Variants in BRCA1 observed in about 807,000 individuals in gnomAD.
BRCA1 encodes the protein breast cancer type 1 susceptibility protein.
In BRCA1, 140 loss-of-function variants were observed where a neutral mutation model predicts 173.7. The observed-to-expected ratio is 0.81, with a 90% CI of 0.70 to 0.93. The LOEUF (loss-of-function observed/expected upper bound fraction) is 0.93, where lower values mean the gene tolerates loss of function less well. BRCA1 is among the 40% of genes least tolerant of loss of function. BRCA1 has a pLI of 0.00. For missense variants in BRCA1, 1,983 were observed against 2,172.5 expected (o/e 0.91, Z 1.73); for synonymous variants, 662 against 756.0 (o/e 0.88, Z 2.04).
chr17:43,150,030 C>G (rs960896619), intron 1 of BRCA1, among the ~76,000 whole-genome samples: 1 of 151,850 alleles, frequency 6.6e-6, no homozygotes, highest in African/African-American at 2.4e-5. Context: ...CTCAGGTGAT[C>G]CACCCACCTC....
chr17:43,155,829 G>A (rs1367306239), intron 1 of BRCA1, among the ~76,000 whole-genome samples: 1 of 152,148 alleles, frequency 6.6e-6, no homozygotes, highest in African/African-American at 2.4e-5. Flanking sequence ...AGCCCTAAAT[G>A]TGAACTTTTG....
At position 43,045,358 on chromosome 17, in the gene BRCA1, G is replaced by C. The variant is rs750834940; in HGVS notation, c.*320C>G. On this transcript the variant is annotated 3_prime_UTR_variant, in exon 23 of 23. Coordinates refer to ENST00000357654, the MANE Select transcript of BRCA1 (RefSeq NM_007294.4). Reference sequence around the variant, plus strand: ...TCCAGCCCTAAGCCAACAACAGCCTGAATAGAAAGAATAGGGCTGATAAAT... The same window carrying C: ...TCCAGCCCTAAGCCAACAACAGCCTCAATAGAAAGAATAGGGCTGATAAAT... The C allele has an allele frequency of 8.5e-6, 5 of 588,484 alleles. No homozygotes were observed. The highest frequency in any genetic ancestry group is 6.1e-5 in the South Asian group (4 of 65,690). 36.5% of individuals were successfully genotyped at this position (588,484 alleles called of 1,614,324 possible).
chr17:43,069,951 G>A (rs2052311942), intron 15 of BRCA1, among the ~76,000 whole-genome samples: 1 of 152,044 alleles, frequency 6.6e-6, no homozygotes, highest in South Asian at 2.1e-4. Context: ...TCTTATTATT[G>A]AGACAGAGTT....
chr17:43,081,049 A>G (rs750185403), intron 12 of BRCA1, among the ~76,000 whole-genome samples: 2 of 152,216 alleles, frequency 1.3e-5, no homozygotes. Flanking sequence ...TCAGTTACAG[A>G]TCTCCAGAAA....
At chr17:43,096,233 C>T (rs755116419) in intron 8 of BRCA1, among the ~76,000 whole-genome samples, 18 of 151,532 alleles carry the variant, frequency 1.2e-4, no homozygotes, top group Non-Finnish European at 2.2e-4. Context: ...AAAAATTAGC[C>T]GGGTGTGGTG....
chr17:43,135,340 T>C (rs1375957291), intron 1 of BRCA1, among the ~76,000 whole-genome samples: 5 of 152,214 alleles, frequency 3.3e-5, no homozygotes, highest in African/African-American at 7.2e-5. Flanking sequence ...TGCAAGAACT[T>C]TCTTCCAACT....
chr17:43,169,370 C>T (rs12952012), intron 1 of BRCA1, among the ~76,000 whole-genome samples: 47,885 of 151,962 alleles, frequency 0.32, 7,856 homozygotes, highest in South Asian at 0.46. Context: ...GGTTTCACCA[C>T]GATGGTCAGG....
intron 18 of BRCA1, among the ~76,000 whole-genome samples, chr17:43,062,541 A>T (rs2051809205): frequency 6.6e-6 from 1 of 151,888 alleles, no homozygotes; most frequent in South Asian, 2.1e-4. Flanking sequence ...CAAAGAAAGG[A>T]CTGTTTCTTT....
At chr17:43,053,467 C>T (rs1251489983) in intron 19 of BRCA1, among the ~76,000 whole-genome samples, 2 of 151,408 alleles carry the variant, frequency 1.3e-5, no homozygotes, top group South Asian at 2.1e-4. Context: ...TGGAGACCAT[C>T]CCGTCTAACA....
intron 11 of BRCA1, among the ~76,000 whole-genome samples, chr17:43,088,913 T>C (rs987244534): frequency 2.0e-5 from 3 of 152,142 alleles, no homozygotes; most frequent in Admixed American, 6.5e-5. Context: ...ACCTAATTAT[T>C]AGAAGTTGTC....
chr17:43,129,555 ACT>A (rs569305401), upstream of BRCA1, among the ~76,000 whole-genome samples: 109 of 151,990 alleles, frequency 7.2e-4, no homozygotes, highest in African/African-American at 2.5e-3. Flanking sequence ...TGCACTGCGA[ACT>A]CTGTCTCCCG....
Position 43,071,095 on chromosome 17 carries a change from C to T in BRCA1, c.4819G>A (p.Val1607Ile). ...TSALKVPQLK[V>I]AESAQSPAAA... Reference sequence around the variant, plus strand: ...GCTGGACTCTGGGCAGATTCTGCAACTTTCAATTGGGGAACTTTCAATGCA... The same window carrying T: ...GCTGGACTCTGGGCAGATTCTGCAATTTTCAATTGGGGAACTTTCAATGCA... The change falls in exon 15 of 23, where the codon GTT becomes ATT. Residue 1607 changes from valine to isoleucine, a missense_variant. Physicochemically the swap from Val to Ile is conservative, Grantham distance 29. Coordinates refer to ENST00000357654, the MANE Select transcript of BRCA1 (RefSeq NM_007294.4). The T allele has an allele frequency of 1.2e-6, 2 of 1,614,110 alleles. No homozygotes were observed. The highest frequency in any genetic ancestry group is 1.7e-6 in the Non-Finnish European group (2 of 1,180,028).
intron 1 of BRCA1, chr17:43,132,837 C>T (rs1042238512): frequency 6.6e-6 from 1 of 151,914 alleles, no homozygotes; most frequent in African/African-American, 2.4e-5. Context: ...GATCTTGGCT[C>T]ACTGCAAGCT....
chr17:43,121,683 CAAAAAAAAAAAAAAA>C (rs71160013), intron 2 of BRCA1, among the ~76,000 whole-genome samples: 1 of 32,898 alleles, frequency 3.0e-5, no homozygotes, highest in African/African-American at 1.4e-4. Flanking sequence ...AAGTCTGTCT[CAAAAAAAAAAAAAAA>C]AAAAAAAAAA....
chr17:43,073,301 G>C (rs1012130008), intron 14 of BRCA1, among the ~76,000 whole-genome samples: 2 of 151,996 alleles, frequency 1.3e-5, no homozygotes, highest in Non-Finnish European at 2.9e-5. Context: ...TTCATCCAAG[G>C]TAATGACACC....
chr17:43,091,869 T>G lies in BRCA1; in HGVS notation c.3662A>C (p.Glu1221Ala), dbSNP rs273900713. 5.0e-6 allele frequency: 8 copies of G among 1,614,076 alleles called. No individual in the cohort carries two copies. In the East Asian group the frequency reaches 1.6e-4, roughly 31 times the overall value. The change falls in exon 10 of 23, where the codon GAA (glutamate) becomes GCA (alanine). Residue 1221 changes from glutamate to alanine, a missense_variant. Transcript: ENST00000357654. The stretch of plus-strand genomic sequence containing the variant: ...CAAGTGTTGGAAGCAGGGAAGCTCT[T>G]CATCCTCACTAGATAAGTTCTCTTC... The part of the protein sequence containing the change: ...SSEENLSSED[E>A]ELPCFQHLLF...
upstream of BRCA1, among the ~76,000 whole-genome samples, chr17:43,126,804 AGAGCCGGCTCCCTCTGCTT>A (rs2055889895): frequency 6.6e-6 from 1 of 152,016 alleles, no homozygotes. Context: ...GGCCGAAGCC[AGAGCCGGCTCCCTCTGCTT>A]GCGGGGAAGT....
chr17:43,169,881 C>T, intron 1 of BRCA1: 1 of 374,828 alleles, frequency 2.7e-6, no homozygotes, highest in Non-Finnish European at 5.3e-6. Context: ...CGTTTTTTTC[C>T]CCCCCTCTAC....
At chr17:43,135,096 G>C (rs1354201933) in intron 1 of BRCA1, among the ~76,000 whole-genome samples, 2 of 152,132 alleles carry the variant, frequency 1.3e-5, no homozygotes, top group South Asian at 4.1e-4. Context: ...GTCTTGCTCT[G>C]GCCATGGAAT....
Sources: gnomAD v4.1 joint callset for allele counts (sites outside exome capture counted in the v4.1 genomes callset) on GRCh38, gnomAD v4.1.1 for gene constraint, MANE v1.5 for transcripts, NCBI Gene and HGNC (gene_info 2026-07-23, HGNC 2026-07-21) for gene names.